Variants in ITGA1 observed in about 807,000 individuals in gnomAD.
ITGA1 encodes integrin subunit alpha 1.
Under a neutral mutation model 145.9 loss-of-function variants are expected in ITGA1, and 85 were observed. That is an observed-to-expected ratio of 0.58 (90% CI 0.49 to 0.70). ITGA1 has a LOEUF of 0.70. ITGA1 is among the 30% of genes least tolerant of loss of function. ITGA1 has a pLI of 0.00. For missense variants in ITGA1, 1,351 were observed against 1,418.7 expected, an observed-to-expected ratio of 0.95 and a Z score of 0.77; for synonymous variants, 520 against 495.3, an observed-to-expected ratio of 1.05 and a Z score of -0.66.
chr5:52,803,723 C>T (rs1049868196), intron 1 of ITGA1: 2 of 152,088 alleles, frequency 1.3e-5, no homozygotes, highest in African/African-American at 4.8e-5. Context: ...AAGTATGGTC[C>T]GTAAACCAGC....
At chr5:52,832,733 G>C (rs1749090475) in intron 1 of ITGA1, among the ~76,000 whole-genome samples, 1 of 148,740 alleles carries the variant, frequency 6.7e-6, no homozygotes, top group Non-Finnish European at 1.5e-5. Flanking sequence ...GTATCGAAAA[G>C]ACCCTTTTTA....
chr5:52,839,221 C>A (rs570322033), intron 1 of ITGA1, among the ~76,000 whole-genome samples: 1 of 152,080 alleles, frequency 6.6e-6, no homozygotes, highest in Non-Finnish European at 1.5e-5. Flanking sequence ...TAGGTGATAC[C>A]GTAAGGCATA....
intron 1 of ITGA1, among the ~76,000 whole-genome samples, chr5:52,841,443 G>A (rs987223249): frequency 1.3e-5 from 2 of 152,010 alleles, no homozygotes; most frequent in Non-Finnish European, 2.9e-5. Context: ...CCTTCTCAAG[G>A]TTATGGTGCT....
Position 52,952,621 on chromosome 5 carries a change from C to T in ITGA1, c.*170C>T. 3.1e-6 allele frequency: 1 copy of T among 322,216 alleles called. No individual in the cohort carries two copies. Among genetic ancestry groups the T allele is most frequent in the Non-Finnish European group, 5.9e-6 (1 of 168,846 alleles). The allele number at this position is 322,216 out of a possible 1,614,324, so 20.0% of individuals were successfully genotyped here. On this transcript the variant is annotated 3_prime_UTR_variant, in exon 29 of 29. Coordinates refer to ENST00000282588, the MANE Select transcript of ITGA1 (RefSeq NM_181501.2). The stretch of plus-strand genomic sequence containing the variant: ...GTCATGCATTATCCAAAAACAATAC[C>T]AAAAAGACATATTTTATAAAATGAC...
chr5:52,792,010 G>A (rs1748251736), intron 1 of ITGA1, among the ~76,000 whole-genome samples: 1 of 152,114 alleles, frequency 6.6e-6, no homozygotes, highest in Non-Finnish European at 1.5e-5. Context: ...AAACATAGTT[G>A]TCTAAAATAC....
intron 12 of ITGA1, among the ~76,000 whole-genome samples, chr5:52,907,270 A>C (rs1331219271): frequency 6.6e-6 from 1 of 152,188 alleles, no homozygotes; most frequent in East Asian, 1.9e-4. Flanking sequence ...AGTTAGAAAA[A>C]GGCTATTGTT....
chr5:52,883,176 G>A (rs13163497), intron 7 of ITGA1, among the ~76,000 whole-genome samples: 14,833 of 152,172 alleles, frequency 0.097, 963 homozygotes, highest in Middle Eastern at 0.17. Flanking sequence ...TAGGTGTACC[G>A]AATGCACCCC....
intron 1 of ITGA1, chr5:52,800,164 C>G (rs1213805403): frequency 5.3e-6 from 3 of 566,802 alleles, no homozygotes; most frequent in South Asian, 4.0e-5. Context: ...CTGCAGTGTT[C>G]CCCGAGCCTG....
chr5:52,823,676 A>C (rs1049678479), intron 1 of ITGA1, among the ~76,000 whole-genome samples: 1 of 152,204 alleles, frequency 6.6e-6, no homozygotes, highest in African/African-American at 2.4e-5. Flanking sequence ...TACTTGATCA[A>C]TGTTTAGCCT....
intron 1 of ITGA1, among the ~76,000 whole-genome samples, chr5:52,837,245 G>A (rs1466950854): frequency 6.6e-6 from 1 of 152,118 alleles, no homozygotes; most frequent in Non-Finnish European, 1.5e-5. Context: ...GACACTGGAC[G>A]AACAAAGCAA....
chr5:52,822,520 A>T (rs1405665486), intron 1 of ITGA1, among the ~76,000 whole-genome samples: 1 of 152,186 alleles, frequency 6.6e-6, no homozygotes, highest in Non-Finnish European at 1.5e-5. Context: ...GAAGAGCTGG[A>T]GGCTGAGTAT....
intron 6 of ITGA1, among the ~76,000 whole-genome samples, chr5:52,877,463 C>T (rs1368654729): frequency 6.6e-6 from 1 of 152,156 alleles, no homozygotes; most frequent in Admixed American, 6.5e-5. Flanking sequence ...CTTCCATAAA[C>T]ACGCCCACCA....
intron 1 of ITGA1, among the ~76,000 whole-genome samples, chr5:52,835,001 A>T (rs1046881651): frequency 1.3e-5 from 2 of 152,170 alleles, no homozygotes; most frequent in African/African-American, 2.4e-5. Context: ...AAGTAGAAGG[A>T]CGTAAAAGGC....
intron 1 of ITGA1, chr5:52,801,911 T>A (rs1748496615): frequency 8.2e-7 from 1 of 1,223,616 alleles, no homozygotes; most frequent in Admixed American, 2.6e-5. Context: ...AGCATCCTTG[T>A]GACAGAAAGC....
intron 6 of ITGA1, among the ~76,000 whole-genome samples, chr5:52,874,878 CAAGT>C (rs1749841029): frequency 6.6e-6 from 1 of 152,088 alleles, no homozygotes; most frequent in South Asian, 2.1e-4. Flanking sequence ...TTGATCTTGA[CAAGT>C]AAGTAAGTCT....
chr5:52,906,225 C>T (rs1233578723), intron 12 of ITGA1, among the ~76,000 whole-genome samples: 2 of 152,096 alleles, frequency 1.3e-5, no homozygotes, highest in Non-Finnish European at 2.9e-5. Context: ...GATGGGATTG[C>T]TTTAAGCTAG....
chr5:52,940,898 C>T (rs1477189953), intron 26 of ITGA1, among the ~76,000 whole-genome samples: 1 of 152,122 alleles, frequency 6.6e-6, no homozygotes. Flanking sequence ...GATTCCATCG[C>T]TCAGGTAGTG....
chr5:52,891,555 T>TAAAAAAAAAAAAAAAAAAAAAAAA (rs56185635), intron 8 of ITGA1, among the ~76,000 whole-genome samples: 1 of 118,882 alleles, frequency 8.4e-6, no homozygotes, highest in African/African-American at 3.4e-5. Flanking sequence ...TCATGAACAC[T>TAAAAAAAAAAAAAAAAAAAAAAAA]AAAAAAAAAA....
intron 14 of ITGA1, among the ~76,000 whole-genome samples, chr5:52,910,988 C>CTATA (rs1442340296): frequency 8.2e-6 from 1 of 121,856 alleles, no homozygotes; most frequent in African/African-American, 3.3e-5. Context: ...AGTATGTATA[C>CTATA]TATATATAGT....
Sources: gnomAD v4.1 joint callset for allele counts (sites outside exome capture counted in the v4.1 genomes callset) on GRCh38, gnomAD v4.1.1 for gene constraint, MANE v1.5 for transcripts, NCBI Gene and HGNC (gene_info 2026-07-23, HGNC 2026-07-21) for gene names.